TP53BP2: variants seen among roughly 807,000 people sequenced by gnomAD.
The protein encoded by TP53BP2 is tumor protein p53 binding protein 2, also known as apoptosis-stimulating of p53 protein 2.
TP53BP2 carries 62 observed loss-of-function variants against 126.2 expected under a neutral mutation model. The ratio of observed to expected loss-of-function variants is 0.49; its 90% confidence interval spans 0.40 to 0.61. The LOEUF (loss-of-function observed/expected upper bound fraction) is 0.61, where lower values mean the gene tolerates loss of function less well. Ranked by LOEUF, TP53BP2 falls within the 20% of genes least tolerant of loss-of-function variation. The pLI is 0.00. For synonymous variants in TP53BP2, 485 were observed against 502.9 expected (o/e 0.96, Z 0.48); for missense variants, 1,215 against 1,402.8 (o/e 0.87, Z 2.14).
intron 1 of TP53BP2, among the ~76,000 whole-genome samples, chr1:223,842,929 A>C (rs935584038): frequency 6.6e-6 from 1 of 152,220 alleles, no homozygotes; most frequent in Non-Finnish European, 1.5e-5. Context: ...TTGTGGAAAT[A>C]TCATAGAACT....
intron 3 of TP53BP2, chr1:223,814,036 A>G (rs1257043688): frequency 1.2e-5 from 6 of 504,676 alleles, no homozygotes; most frequent in Middle Eastern, 3.3e-4. Flanking sequence ...TATAGTTTCA[A>G]CCCCCTGCTC....
chr1:223,800,712 C>A lies in TP53BP2; in HGVS notation c.1324G>T (p.Ala442Ser). ...AAATAAATCTCACCTTGATCCAGAG[C>A]ATTCCCAGTGCTTTGAGGTACAGAA... ...SASVPQSTGNALDQVDDGEVP... is the reference protein window; with the variant it reads ...SASVPQSTGNSLDQVDDGEVP... Residue 442 changes from alanine (A) to serine (S), a missense_variant, in exon 10 of 18, where the codon GCT becomes TCT. Ala to Ser is a moderately conservative substitution (Grantham distance 99). Around this residue, in one of 4 missense-constraint regions of TP53BP2, gnomAD observed 814 missense variants for 853.0 expected, o/e 0.95. Coordinates refer to ENST00000343537, the MANE Select transcript of TP53BP2 (RefSeq NM_001031685.3). 1 of 1,599,172 alleles carries A rather than the reference C, an allele frequency of 6.3e-7. No individual in the cohort carries two copies. Among genetic ancestry groups the A allele is most frequent in the Non-Finnish European group, 8.5e-7 (1 of 1,176,240 alleles).
chr1:223,835,641 T>C (rs1435900636), intron 1 of TP53BP2, among the ~76,000 whole-genome samples: 4 of 152,206 alleles, frequency 2.6e-5, no homozygotes, highest in East Asian at 3.9e-4. Flanking sequence ...CACTTTGCTA[T>C]GGAAGTAGAG....
intron 1 of TP53BP2, among the ~76,000 whole-genome samples, chr1:223,825,060 C>T (rs1045104144): frequency 1.3e-5 from 2 of 151,790 alleles, no homozygotes; most frequent in African/African-American, 4.8e-5. Context: ...CACACCCTAG[C>T]CCATTCTTCT....
chr1:223,823,705 A>G (rs1663395501), intron 1 of TP53BP2, among the ~76,000 whole-genome samples: 1 of 152,222 alleles, frequency 6.6e-6, no homozygotes, highest in South Asian at 2.1e-4. Context: ...AACGATTAAC[A>G]AAGCACAGAA....
chr1:223,836,217 C>A (rs1663916772), intron 1 of TP53BP2, among the ~76,000 whole-genome samples: 1 of 152,184 alleles, frequency 6.6e-6, no homozygotes, highest in Non-Finnish European at 1.5e-5. Context: ...GCTGTTATGG[C>A]AAAGTCCGAT....
At chr1:223,823,479 T>C (rs1663386024) in intron 1 of TP53BP2, among the ~76,000 whole-genome samples, 1 of 152,204 alleles carries the variant, frequency 6.6e-6, no homozygotes, top group African/African-American at 2.4e-5. Flanking sequence ...ATTAAAATAG[T>C]GAACACTGTT....
chr1:223,827,493 T>C (rs1394056516), intron 1 of TP53BP2, among the ~76,000 whole-genome samples: 1 of 152,132 alleles, frequency 6.6e-6, no homozygotes, highest in Non-Finnish European at 1.5e-5. Flanking sequence ...CTAGAGAACC[T>C]GAGGGAAGGA....
chr1:223,795,480 T>C (rs1662285096), intron 13 of TP53BP2, among the ~76,000 whole-genome samples: 2 of 152,192 alleles, frequency 1.3e-5, no homozygotes, highest in South Asian at 4.1e-4. Flanking sequence ...ACAGCTAAGC[T>C]AGTAATCAAA....
chr1:223,836,028 A>G lies in TP53BP2; in HGVS notation c.27+9626T>C, dbSNP rs144926113. On this transcript the variant is annotated intron_variant, in intron 1 of 17. Coordinates refer to ENST00000343537, the MANE Select transcript of TP53BP2 (RefSeq NM_001031685.3). ...AGGAAGAGGACCATCTAGGGAGAGA[A>G]ACACTGTGTATAAAGACACAGGAAA... Among the ~76,000 whole-genome samples the G allele has an allele frequency of 2.3e-3, 349 of 152,306 alleles. 1 individual carries two copies. Among genetic ancestry groups the G allele is most frequent in the Non-Finnish European group, 4.2e-3 (285 of 68,032 alleles).
At position 223,786,420 on chromosome 1, in the gene TP53BP2, G is replaced by A. The variant is rs189859065; in HGVS notation, c.3164-2106C>T. 1.2e-3 allele frequency among the ~76,000 whole-genome samples: 183 copies of A among 152,000 alleles called. 1 individual carries two copies. Among genetic ancestry groups the A allele is most frequent in the Middle Eastern group, 0.01 (3 of 292 alleles). ...ATTATTACTTAAACAGCACATCCTG[G>A]TATCTATGATATACTTCATAAATTT... On this transcript the variant is annotated intron_variant, in intron 16 of 17. Transcript: ENST00000343537.
At chr1:223,785,764 T>C (rs1272120033) in intron 16 of TP53BP2, among the ~76,000 whole-genome samples, 1 of 152,230 alleles carries the variant, frequency 6.6e-6, no homozygotes, top group African/African-American at 2.4e-5. Flanking sequence ...GATTACTTTT[T>C]AAAAAATTTT....
At chr1:223,845,446 C>A (rs934237528) in intron 1 of TP53BP2, among the ~76,000 whole-genome samples, 2 of 152,174 alleles carry the variant, frequency 1.3e-5, no homozygotes, top group Non-Finnish European at 2.9e-5. Context: ...AGGGTCTCGC[C>A]GCGCCCCCAC....
chr1:223,795,261 C>A (rs951826643), intron 13 of TP53BP2, among the ~76,000 whole-genome samples: 2 of 152,208 alleles, frequency 1.3e-5, no homozygotes, highest in Non-Finnish European at 2.9e-5. Context: ...TTTCAGACTT[C>A]GTTGAAGGGG....
chr1:223,834,092 G>A (rs764428137), intron 1 of TP53BP2, among the ~76,000 whole-genome samples: 47 of 152,272 alleles, frequency 3.1e-4, no homozygotes, highest in Non-Finnish European at 5.9e-4. Context: ...AGAAAAAAAC[G>A]CCACATCAGG....
In TP53BP2 at chr1:223,803,325, G is replaced by A. The variant is rs1242511866; in HGVS notation, c.777C>T (p.His259=). ...CAGCCACTGCAGACTGATTGTCATG[G>A]TGGCTGTCGATCCTGCCGTTCTTGA... ...EMLKNGRIDS[H]HDNQSAVAEL... The change falls in exon 7 of 18, where the codon CAC becomes CAT. Residue 259 remains histidine, a synonymous_variant. Transcript: ENST00000343537. 6.2e-7 allele frequency: 1 copy of A among 1,613,624 alleles called. No individual in the cohort carries two copies. Among genetic ancestry groups the A allele is most frequent in the Admixed American group, 1.7e-5 (1 of 60,012 alleles).
chr1:223,831,880 G>A (rs1191141657), intron 1 of TP53BP2, among the ~76,000 whole-genome samples: 1 of 151,766 alleles, frequency 6.6e-6, no homozygotes, highest in Admixed American at 6.6e-5. Flanking sequence ...CAAAGTCACA[G>A]ATAATTTTCA....
chr1:223,802,028 T>C (rs1662541426), intron 9 of TP53BP2, 88 bp downstream of exon 9: 4 of 1,270,910 alleles, frequency 3.1e-6, no homozygotes, highest in South Asian at 1.4e-5. Context: ...ACATGAATAA[T>C]GAATACAAAG....
intron 13 of TP53BP2, 42 bp from the exon 14 acceptor site, chr1:223,793,482 G>C: frequency 6.8e-7 from 1 of 1,473,966 alleles, no homozygotes; most frequent in Non-Finnish European, 9.0e-7. Context: ...CCTCGTCTAT[G>C]CAAGAGAACA....
Sources: gnomAD v4.1 joint callset for allele counts (sites outside exome capture counted in the v4.1 genomes callset) on GRCh38, gnomAD v4.1.1 for gene constraint, gnomAD v4.1.1 regional missense constraint, MANE v1.5 for transcripts, NCBI Gene and HGNC (gene_info 2026-07-23, HGNC 2026-07-21) for gene names.